Variants in KCNB2 observed in about 807,000 individuals in gnomAD.
The protein encoded by KCNB2 is potassium voltage-gated channel subfamily B member 2, also known as delayed rectifier potassium channel protein.
Under a neutral mutation model 61.5 loss-of-function variants are expected in KCNB2, and 15 were observed. The ratio of observed to expected loss-of-function variants is 0.24; its 90% CI spans 0.16 to 0.38. KCNB2 has a LOEUF of 0.38. Among genes scored for constraint, KCNB2 ranks in the 10% least tolerant of loss-of-function variants. The pLI is 1.00. For synonymous variants in KCNB2, 457 were observed against 446.0 expected (o/e 1.02, Z -0.31); for missense variants, 828 against 1,125.2 (o/e 0.74, Z 3.78).
intron 2 of KCNB2, among the ~76,000 whole-genome samples, chr8:72,853,743 G>A (rs534135321): frequency 1.3e-5 from 2 of 152,266 alleles, no homozygotes; most frequent in East Asian, 3.9e-4. Flanking sequence ...GTAATTCTCT[G>A]AGAGTTGATG....
At chr8:72,629,891 T>C (rs1475421670) in intron 2 of KCNB2, among the ~76,000 whole-genome samples, 1 of 152,108 alleles carries the variant, frequency 6.6e-6, no homozygotes, top group Non-Finnish European at 1.5e-5. Context: ...AGAGATGAAG[T>C]CACATTTTTC....
intron 2 of KCNB2, among the ~76,000 whole-genome samples, chr8:72,666,544 T>C (rs1280035613): frequency 6.6e-6 from 1 of 152,196 alleles, no homozygotes; most frequent in Non-Finnish European, 1.5e-5. Flanking sequence ...GAATTCTAAA[T>C]GAAAGGTTTA....
intron 2 of KCNB2, among the ~76,000 whole-genome samples, chr8:72,865,565 G>A (rs1805504064): frequency 6.6e-6 from 1 of 152,052 alleles, no homozygotes; most frequent in Non-Finnish European, 1.5e-5. Context: ...ACTTAGAATA[G>A]TCCCATAACA....
intron 2 of KCNB2, among the ~76,000 whole-genome samples, chr8:72,723,908 TA>T (rs1807590115): frequency 6.6e-6 from 1 of 152,210 alleles, no homozygotes; most frequent in African/African-American, 2.4e-5. Context: ...TTAGAGCAAG[TA>T]CTCTCTATGT....
At chr8:72,751,512 A>G (rs1364841635) in intron 2 of KCNB2, 1 of 152,172 alleles carries the variant, frequency 6.6e-6, no homozygotes, top group Non-Finnish European at 1.5e-5. Flanking sequence ...TCTTCTTAAC[A>G]GGAACCTTCT....
chr8:72,838,138 A>G (rs544112605), intron 2 of KCNB2, among the ~76,000 whole-genome samples: 1 of 152,296 alleles, frequency 6.6e-6, no homozygotes, highest in East Asian at 1.9e-4. Context: ...ATTATACTTT[A>G]AGTTATAGGT....
chr8:72,712,187 T>C (rs1165279373), intron 2 of KCNB2, among the ~76,000 whole-genome samples: 1 of 152,140 alleles, frequency 6.6e-6, no homozygotes, highest in Non-Finnish European at 1.5e-5. Context: ...AAGCTCAGTG[T>C]AGAAAGAGAA....
At chr8:72,658,932 A>C (rs1044333520) in intron 2 of KCNB2, among the ~76,000 whole-genome samples, 1 of 152,204 alleles carries the variant, frequency 6.6e-6, no homozygotes. Flanking sequence ...CTGACAATGC[A>C]CTTGGTCTCT....
intron 2 of KCNB2, among the ~76,000 whole-genome samples, chr8:72,728,663 G>T (rs1313556410): frequency 2.0e-5 from 3 of 152,072 alleles, no homozygotes; most frequent in Admixed American, 6.6e-5. Context: ...AAAATTAGCT[G>T]CACCTAAATT....
intron 2 of KCNB2, among the ~76,000 whole-genome samples, chr8:72,706,797 T>C (rs1488181916): frequency 6.6e-6 from 1 of 152,250 alleles, no homozygotes; most frequent in South Asian, 2.1e-4. Context: ...TTGGGCCTTA[T>C]TGCTTTAAAT....
chr8:72,745,993 C>T (rs1808057807), intron 2 of KCNB2, among the ~76,000 whole-genome samples: 1 of 152,190 alleles, frequency 6.6e-6, no homozygotes, highest in Non-Finnish European at 1.5e-5. Flanking sequence ...TGCTTGCATA[C>T]TAAAACTCTC....
intron 1 of KCNB2, among the ~76,000 whole-genome samples, chr8:72,561,727 ATC>A (rs1265189547): frequency 0.17 from 5,774 of 34,600 alleles, 824 homozygotes; most frequent in African/African-American, 0.22. Flanking sequence ...ATATATATAT[ATC>A]TATATCTATA....
intron 2 of KCNB2, among the ~76,000 whole-genome samples, chr8:72,792,563 C>CT (rs1473840926): frequency 6.6e-6 from 1 of 152,170 alleles, no homozygotes; most frequent in Non-Finnish European, 1.5e-5. Flanking sequence ...TTGCATGGTA[C>CT]TTGGGCAGCC....
chr8:72,594,712 A>G (rs1343944908), intron 2 of KCNB2, among the ~76,000 whole-genome samples: 1 of 152,220 alleles, frequency 6.6e-6, no homozygotes, highest in Non-Finnish European at 1.5e-5. Flanking sequence ...AAACATGCAT[A>G]GTAAAAGAGT....
At chr8:72,760,828 C>T (rs1434326571) in intron 2 of KCNB2, among the ~76,000 whole-genome samples, 1 of 152,120 alleles carries the variant, frequency 6.6e-6, no homozygotes, top group Non-Finnish European at 1.5e-5. Context: ...TACCAAAGTC[C>T]TGGACTTGGG....
intron 2 of KCNB2, among the ~76,000 whole-genome samples, chr8:72,583,989 C>CA (rs1279286617): frequency 2.1e-5 from 3 of 140,378 alleles, no homozygotes; most frequent in African/African-American, 7.9e-5. Context: ...AACCCAAAAC[C>CA]AAAAATACCT....
intron 2 of KCNB2, among the ~76,000 whole-genome samples, chr8:72,667,104 A>G (rs1000840911): frequency 1.3e-5 from 2 of 152,074 alleles, no homozygotes; most frequent in Non-Finnish European, 2.9e-5. Context: ...TAAATTCTCT[A>G]TGTCTTGGTT....
At chr8:72,739,207 A>T (rs753991049) in intron 2 of KCNB2, among the ~76,000 whole-genome samples, 4 of 151,812 alleles carry the variant, frequency 2.6e-5, no homozygotes, top group Non-Finnish European at 5.9e-5. Flanking sequence ...TCTGGAAGAA[A>T]ATCTGCCTAC....
At chr8:72,843,217 T>C (rs1233330291) in intron 2 of KCNB2, among the ~76,000 whole-genome samples, 1 of 152,218 alleles carries the variant, frequency 6.6e-6, no homozygotes, top group Non-Finnish European at 1.5e-5. Flanking sequence ...CAGGAGCAGG[T>C]TGTTCAGTTT....
Sources: allele counts gnomAD v4.1 joint callset (sites outside exome capture counted in the v4.1 genomes callset), GRCh38; gene constraint gnomAD v4.1.1; transcripts MANE v1.5; gene names NCBI Gene and HGNC (gene_info 2026-07-23, HGNC 2026-07-21).